Variants in CNTNAP3B observed in about 807,000 individuals in gnomAD.
The protein encoded by CNTNAP3B is contactin associated protein family member 3B, also known as contactin-associated protein-like 3B.
Under a neutral mutation model 108.9 loss-of-function variants are expected in CNTNAP3B, and 25 were observed. The ratio of observed to expected loss-of-function variants is 0.23; its 90% confidence interval spans 0.17 to 0.32. The LOEUF (loss-of-function observed/expected upper bound fraction) is 0.32, where lower values mean the gene tolerates loss of function less well. Among genes scored for constraint, CNTNAP3B ranks in the 10% least tolerant of loss-of-function variants. The pLI, the probability that CNTNAP3B is intolerant of heterozygous loss-of-function variation, is 1.00. For synonymous variants in CNTNAP3B, 103 were observed against 473.4 expected (o/e 0.22, Z 10.16); for missense variants, 252 against 1,210.4 (o/e 0.21, Z 11.75).
intron 13 of CNTNAP3B, among the ~76,000 whole-genome samples, chr9:41,940,571 G>C: frequency 6.6e-6 from 1 of 152,400 alleles, no homozygotes; most frequent in East Asian, 1.9e-4. Context: ...TGTAATCCCA[G>C]CACTTTCGGA....
chr9:41,920,616 A>G (rs1338682881), intron 17 of CNTNAP3B, among the ~76,000 whole-genome samples: 6 of 152,292 alleles, frequency 3.9e-5, no homozygotes, highest in Admixed American at 3.9e-4. Flanking sequence ...AACAAAATAC[A>G]TAATATAAAC....
At chr9:42,122,671 A>G (rs1204824255) in intron 1 of CNTNAP3B, among the ~76,000 whole-genome samples, 1 of 141,104 alleles carries the variant, frequency 7.1e-6, no homozygotes, top group Non-Finnish European at 1.5e-5. Context: ...AAAGATGAGA[A>G]TCATCAAACA....
chr9:42,003,074 G>T (rs1235603505), intron 4 of CNTNAP3B, among the ~76,000 whole-genome samples: 1 of 133,358 alleles, frequency 7.5e-6, no homozygotes, highest in African/African-American at 3.0e-5. Context: ...TTTTTCTAGA[G>T]ATGGGGGTCT....
chr9:42,032,689 C>G (rs1400115752), intron 3 of CNTNAP3B, among the ~76,000 whole-genome samples: 4 of 104,966 alleles, frequency 3.8e-5, no homozygotes, highest in Non-Finnish European at 7.8e-5. Flanking sequence ...AGGTGTCAGG[C>G]ACCCTGCCTT....
At chr9:41,921,227 A>C (rs1823659090) in intron 17 of CNTNAP3B, among the ~76,000 whole-genome samples, 1 of 152,292 alleles carries the variant, frequency 6.6e-6, no homozygotes, top group African/African-American at 2.4e-5. Context: ...GTTTCTAGGC[A>C]TTCCCTTAAA....
intron 1 of CNTNAP3B, among the ~76,000 whole-genome samples, chr9:42,127,232 G>T (rs1373124085): frequency 1.4e-5 from 2 of 138,782 alleles, no homozygotes; most frequent in Non-Finnish European, 3.1e-5. Flanking sequence ...CCCGTCTGGT[G>T]CTGAGTCCGT....
At position 42,094,819 on chromosome 9, in the gene CNTNAP3B, C is replaced by A. The variant is rs1312208064; in HGVS notation, c.196+9810G>T. 8.7e-4 allele frequency among the ~76,000 whole-genome samples: 110 copies of A among 126,586 alleles called. 2 individuals are homozygous for A. The highest frequency in any genetic ancestry group is 3.3e-3 in the African/African-American group (106 of 31,928). The allele number at this position is 126,586 out of a possible 152,430, so 83.0% of individuals were successfully genotyped here. A position where few individuals can be genotyped will look rare whatever the true frequency, so the allele number is the denominator to read the frequency against. On this transcript the variant is annotated intron_variant, in intron 2 of 23. Coordinates refer to ENST00000377561, the MANE Select transcript of CNTNAP3B (RefSeq NM_001201380.3). Reference sequence around the variant, plus strand: ...AAATGTAACAGAGACCTTACATGGTCCACAATACCAAAATCATTTTCCATC... The same window carrying A: ...AAATGTAACAGAGACCTTACATGGTACACAATACCAAAATCATTTTCCATC...
At chr9:41,934,122 T>TATATATATATACAC (rs1214326050) in intron 14 of CNTNAP3B, among the ~76,000 whole-genome samples, 34 of 73,458 alleles carry the variant, frequency 4.6e-4, no homozygotes, top group African/African-American at 1.7e-3. Context: ...TATATATATA[T>TATATATATATACAC]ACACACACAT....
intron 8 of CNTNAP3B, among the ~76,000 whole-genome samples, chr9:41,988,238 A>ATT (rs1209677991): frequency 0.073 from 1,898 of 25,886 alleles, 485 homozygotes; most frequent in Non-Finnish European, 0.11. Flanking sequence ...CCTTCTTTGA[A>ATT]TTTTTTTTTT....
chr9:42,032,282 TC>T (rs1826535331), intron 3 of CNTNAP3B, among the ~76,000 whole-genome samples: 1 of 110,082 alleles, frequency 9.1e-6, no homozygotes, highest in South Asian at 3.3e-4. Flanking sequence ...TATTTCAGTA[TC>T]TTAAGCTTTG....
At chr9:42,087,682 T>A (rs1483189268) in intron 2 of CNTNAP3B, among the ~76,000 whole-genome samples, 1 of 138,914 alleles carries the variant, frequency 7.2e-6, no homozygotes, top group Admixed American at 7.2e-5. Context: ...TATCTCTCTA[T>A]GATATTAACT....
Position 42,127,520 on chromosome 9 carries a change from T to C in CNTNAP3B, c.85+1490A>G, listed in dbSNP as rs1446088529. Among the ~76,000 whole-genome samples the C allele has an allele frequency of 2.9e-5, 4 of 139,832 alleles. 1 individual carries two copies. The highest frequency in any genetic ancestry group is 1.1e-4 in the African/African-American group (4 of 35,328). The allele number at this position is 139,832 out of a possible 152,430, so 91.7% of individuals were successfully genotyped here. On this transcript the variant is annotated intron_variant, in intron 1 of 23. Coordinates refer to ENST00000377561, the MANE Select transcript of CNTNAP3B (RefSeq NM_001201380.3). The stretch of plus-strand genomic sequence containing the variant: ...ACCTCTAGTGACTTATTTTGTTGTA[T>C]TTTGCCAGTTGATTGGTCAATTACT...
At chr9:42,055,458 C>A (rs1275201157) in intron 3 of CNTNAP3B, among the ~76,000 whole-genome samples, 1 of 144,660 alleles carries the variant, frequency 6.9e-6, no homozygotes, top group Non-Finnish European at 1.5e-5. Flanking sequence ...TGTACCATGA[C>A]CACTGAAAGA....
In CNTNAP3B at chr9:41,894,348, G is replaced by C. The variant is rs1427310120; in HGVS notation, c.3746-238C>G. The stretch of plus-strand genomic sequence containing the variant: ...TTGCTATGTTGCCCAGGCTGGTCTC[G>C]AACTCCTGGGCTAAAGTGATCCTCT... On this transcript the variant is annotated intron_variant, in intron 23 of 23. Coordinates refer to ENST00000377561, the MANE Select transcript of CNTNAP3B (RefSeq NM_001201380.3). Among the ~76,000 whole-genome samples, 9 of 99,374 alleles carry C rather than the reference G, an allele frequency of 9.1e-5. No individual in the cohort carries two copies. In the Admixed American group the frequency reaches 9.2e-4, roughly 10 times the overall value. The allele number at this position is 99,374 out of a possible 152,430, so 65.2% of individuals were successfully genotyped here. A position where few individuals can be genotyped will look rare whatever the true frequency, so the allele number is the denominator to read the frequency against.
rs1394300542 is a variant in CNTNAP3B at position 42,053,481 on chromosome 9, T to C, written c.390+23388A>G. On this transcript the variant is annotated intron_variant, in intron 3 of 23. Transcript: ENST00000377561. ...TGGCAGGCAAAGAGTAGACAAGCCATTGTATCTCATGGTAATTCAGAAAGG... is the reference window on the plus strand; with the variant it reads ...TGGCAGGCAAAGAGTAGACAAGCCACTGTATCTCATGGTAATTCAGAAAGG... Among the ~76,000 whole-genome samples the C allele has an allele frequency of 1.5e-5, 2 of 133,508 alleles. 1 individual carries two copies. Among genetic ancestry groups the C allele is most frequent in the Non-Finnish European group, 3.2e-5 (2 of 63,154 alleles). The allele number at this position is 133,508 out of a possible 152,430, so 87.6% of individuals were successfully genotyped here. A position where few individuals can be genotyped will look rare whatever the true frequency, so the allele number is the denominator to read the frequency against.
At chr9:41,965,661 T>C (rs1248979834) in intron 10 of CNTNAP3B, among the ~76,000 whole-genome samples, 38 of 150,294 alleles carry the variant, frequency 2.5e-4, no homozygotes, top group East Asian at 7.9e-4. Context: ...TCATAGTCCA[T>C]GCTGGAGCGG....
At chr9:41,922,118 G>A (rs1201411536) in intron 17 of CNTNAP3B, among the ~76,000 whole-genome samples, 2 of 139,448 alleles carry the variant, frequency 1.4e-5, no homozygotes, top group Non-Finnish European at 3.1e-5. Flanking sequence ...ACTTCTCTGA[G>A]GCTTGGCTAT....
At chr9:42,063,949 AC>A (rs1481047607) in intron 3 of CNTNAP3B, among the ~76,000 whole-genome samples, 1 of 147,656 alleles carries the variant, frequency 6.8e-6, no homozygotes, top group Non-Finnish European at 1.5e-5. Flanking sequence ...CAGTGTCCAT[AC>A]TTTTAAGTTT....
intron 2 of CNTNAP3B, among the ~76,000 whole-genome samples, chr9:42,087,284 T>A (rs1827723104): frequency 1.5e-5 from 2 of 137,418 alleles, no homozygotes; most frequent in Admixed American, 1.4e-4. Flanking sequence ...CAGTCCACTT[T>A]AAGCAGCTTG....
Sources: allele counts gnomAD v4.1 joint callset (sites outside exome capture counted in the v4.1 genomes callset), GRCh38; gene constraint gnomAD v4.1.1; transcripts MANE v1.5; gene names NCBI Gene and HGNC (gene_info 2026-07-23, HGNC 2026-07-21).